The following SMC1B variants were observed in gnomAD, a reference collection of about 807,000 sequenced individuals.
SMC1B encodes structural maintenance of chromosomes 1B, also known as structural maintenance of chromosomes protein 1B.
In SMC1B, 60 loss-of-function variants were observed where a neutral mutation model predicts 157.9. That is an observed-to-expected ratio of 0.38 (90% CI 0.31 to 0.47). SMC1B has a LOEUF of 0.47. SMC1B is among the 20% of genes least tolerant of loss of function. The probability of loss-of-function intolerance (pLI) is 0.99; values close to 1 mark genes in which losing one functional copy is unlikely to be tolerated. For synonymous variants in SMC1B, 445 were observed against 483.0 expected, an observed-to-expected ratio of 0.92 and a Z score of 1.03; for missense variants, 1,165 against 1,426.2, an observed-to-expected ratio of 0.82 and a Z score of 2.95.
In SMC1B at chr22:45,362,702, C is replaced by T. The variant is rs1340501949; in HGVS notation, c.2562+183G>A. On this transcript the variant is annotated intron_variant, in intron 16 of 24. Transcript: ENST00000357450. ...AGGAGTCATCTGTGACATCCCCTTG[C>T]CCTTCCTCCCATGTTGACATCCAGT... Among the ~76,000 whole-genome samples, 9 of 152,290 alleles carry T rather than the reference C, an allele frequency of 5.9e-5. No individual in the cohort carries two copies. In the East Asian group the frequency reaches 7.7e-4, roughly 13 times the overall value.
intron 11 of SMC1B, among the ~76,000 whole-genome samples, chr22:45,385,024 C>G (rs1035947592): frequency 2.6e-4 from 40 of 151,946 alleles, no homozygotes; most frequent in Non-Finnish European, 7.4e-5. Context: ...ATAAATAGAT[C>G]TTTTTATAAT....
chr22:45,413,259 G>A (rs2087373509), intron 1 of SMC1B, among the ~76,000 whole-genome samples, 200 bp downstream of exon 1: 1 of 152,068 alleles, frequency 6.6e-6, no homozygotes. Context: ...GGTGGACGGC[G>A]AGGACCGGGG....
In SMC1B at chr22:45,359,798, A is replaced by C; in HGVS notation, c.2862+7T>G. On this transcript the variant is annotated splice_region_variant and intron_variant, in intron 18 of 24. Coordinates refer to ENST00000357450, the MANE Select transcript of SMC1B (RefSeq NM_148674.5). ...GGCACATATTTTACAGTCATTTGCT[A>C]GAATACCTCCACTTCAATGATGTCA... 6.2e-7 allele frequency: 1 copy of C among 1,610,376 alleles called. No individual in the cohort carries two copies. Among genetic ancestry groups the C allele is most frequent in the Non-Finnish European group, 8.5e-7 (1 of 1,177,656 alleles).
intron 12 of SMC1B, among the ~76,000 whole-genome samples, chr22:45,377,741 G>C (rs2086897192): frequency 6.6e-6 from 1 of 151,758 alleles, no homozygotes; most frequent in Admixed American, 6.6e-5. Context: ...TTACCATGTT[G>C]TCCAGGCTGG....
rs772979016 is a variant in SMC1B, at chr22:45,344,594, C to T, written c.3670G>A (p.Gly1224Ser). 2.5e-6 allele frequency: 4 copies of T among 1,614,168 alleles called. No individual in the cohort carries two copies. The highest frequency in any genetic ancestry group is 1.1e-5 in the South Asian group (1 of 91,082). Residue 1224 changes from glycine to serine, a missense_variant, in exon 25 of 25, where the codon GGC becomes AGC. Transcript: ENST00000357450. Reference protein sequence around the residue: ...LDLSQYPDTEGQESSKRHGES... With the variant: ...LDLSQYPDTESQESSKRHGES... ...CCGTGTCTCTTGCTGCTTTCTTGGC[C>T]TTCAGTGTCTGGATACTGAGAAAGA...
intron 1 of SMC1B, among the ~76,000 whole-genome samples, chr22:45,409,917 G>A (rs774454831): frequency 2.0e-5 from 3 of 152,176 alleles, no homozygotes; most frequent in Non-Finnish European, 4.4e-5. Context: ...AGGAAGGTCT[G>A]GCCTAAGAAG....
chr22:45,374,676 A>T (rs2086867995), intron 12 of SMC1B, among the ~76,000 whole-genome samples: 1 of 152,166 alleles, frequency 6.6e-6, no homozygotes, highest in African/African-American at 2.4e-5. Context: ...CTTTTCGTAA[A>T]GCCCTACGAA....
intron 23 of SMC1B, among the ~76,000 whole-genome samples, chr22:45,348,665 G>A (rs6006993): frequency 0.87 from 132,195 of 151,756 alleles, 57,678 homozygotes; most frequent in African/African-American, 0.91. Flanking sequence ...CTTGAATGAA[G>A]ACTACCCTGA....
In SMC1B at chr22:45,413,594, G is replaced by A. The variant is rs773825952; in HGVS notation, c.-27C>T. 3.2e-6 allele frequency: 5 copies of A among 1,567,594 alleles called. No homozygotes were observed. Among genetic ancestry groups the A allele is most frequent in the Non-Finnish European group, 4.3e-6 (5 of 1,152,428 alleles). ...GCGCCGCCCTCCACGCCTCACCCGCGTTATCAAGCGCCCGCGGAAAAAGCG... is the reference window on the plus strand; with the variant it reads ...GCGCCGCCCTCCACGCCTCACCCGCATTATCAAGCGCCCGCGGAAAAAGCG... On this transcript the variant is annotated 5_prime_UTR_variant, in exon 1 of 25. The change creates a new upstream start codon in the 5' untranslated region. Transcript: ENST00000357450.
chr22:45,386,319 C>G (rs982137291), intron 11 of SMC1B, among the ~76,000 whole-genome samples: 1 of 151,956 alleles, frequency 6.6e-6, no homozygotes, highest in Non-Finnish European at 1.5e-5. Context: ...ACTAAATACT[C>G]TCTATTCCAC....
intron 2 of SMC1B, among the ~76,000 whole-genome samples, chr22:45,407,312 A>T (rs1047787915): frequency 6.6e-6 from 1 of 152,178 alleles, no homozygotes; most frequent in Non-Finnish European, 1.5e-5. Flanking sequence ...GGGCCCCAAG[A>T]TCTTTACCCT....
rs1393018813 is a variant in SMC1B, at chr22:45,348,276, G to C, written c.3495+1452C>G. ...TTGATAGAACTGGGAAGTAGGGCTGGTGTGGTGGCTGACGCCTGTAATCCC... is the reference window on the plus strand; with the variant it reads ...TTGATAGAACTGGGAAGTAGGGCTGCTGTGGTGGCTGACGCCTGTAATCCC... On this transcript the variant is annotated intron_variant, in intron 23 of 24. Coordinates refer to ENST00000357450, the MANE Select transcript of SMC1B (RefSeq NM_148674.5). Among the ~76,000 whole-genome samples, 4 of 152,216 alleles carry C rather than the reference G, an allele frequency of 2.6e-5. No homozygotes were observed. In the East Asian group the frequency reaches 7.7e-4, roughly 29 times the overall value.
At position 45,408,712 on chromosome 22, in the gene SMC1B, C is replaced by T. The variant is rs777168907; in HGVS notation, c.296G>A (p.Arg99Gln). 44 of 1,572,150 alleles carry T rather than the reference C, an allele frequency of 2.8e-5. No individual in the cohort carries two copies. Among genetic ancestry groups the T allele is most frequent in the Admixed American group, 4.0e-5 (2 of 49,410 alleles). The change falls in exon 2 of 25, where the codon CGA becomes CAA. Residue 99 changes from arginine to glutamine, a missense_variant and splice_region_variant. Arg to Gln is a conservative substitution (Grantham distance 43, BLOSUM62 1). Transcript: ENST00000357450. ...GEEKTFARII[R>Q]GGCSEFRFND... ...GAAAAAAAATTATAAAAAAATACCT[C>T]GGATAATCCTTGCAAATGTTTTCTC...
At chr22:45,350,457 T>C (rs1337810992) in intron 22 of SMC1B, among the ~76,000 whole-genome samples, 3 of 152,402 alleles carry the variant, frequency 2.0e-5, no homozygotes, top group African/African-American at 7.2e-5. Flanking sequence ...TTTGTACTTT[T>C]AATAGAGATG....
intron 7 of SMC1B, among the ~76,000 whole-genome samples, 190 bp from the exon 8 acceptor site, chr22:45,394,957 T>C (rs1369028634): frequency 6.6e-6 from 1 of 152,230 alleles, no homozygotes; most frequent in Non-Finnish European, 1.5e-5. Context: ...ATTTGCTAGA[T>C]ATTTGATCTC....
chr22:45,410,271 C>G (rs1569202920), intron 1 of SMC1B, among the ~76,000 whole-genome samples: 1 of 152,200 alleles, frequency 6.6e-6, no homozygotes, highest in Admixed American at 6.5e-5. Context: ...GCATTCCTAA[C>G]CCCAATGTTA....
chr22:45,395,586 G>A (rs1377817028), intron 7 of SMC1B, among the ~76,000 whole-genome samples: 4 of 152,154 alleles, frequency 2.6e-5, no homozygotes, highest in Non-Finnish European at 5.9e-5. Flanking sequence ...GACTGGGCAC[G>A]GTGGCTCAGG....
Position 45,389,622 on chromosome 22 carries a change from C to A in SMC1B, c.1731+90G>T. 3.4e-6 allele frequency: 4 copies of A among 1,171,040 alleles called. No individual in the cohort carries two copies. The East Asian group carries it at 7.2e-5, about 21-fold the overall frequency. The allele number at this position is 1,171,040 out of a possible 1,614,324, so 72.5% of individuals were successfully genotyped here. Reference sequence around the variant, plus strand: ...CTGGCATCCAAGCTACAATTTTTCTCTATCACTATCATAGTTTTAGGCAAT... The same window carrying A: ...CTGGCATCCAAGCTACAATTTTTCTATATCACTATCATAGTTTTAGGCAAT... On this transcript the variant is annotated intron_variant, in intron 10 of 24. Coordinates refer to ENST00000357450, the MANE Select transcript of SMC1B (RefSeq NM_148674.5).
Position 45,353,872 on chromosome 22 carries a change from GTGGCAGTGGTTATTTCCCA to G in SMC1B, c.3273+87_3273+105del. On this transcript the variant is annotated intron_variant, in intron 21 of 24. Coordinates refer to ENST00000357450, the MANE Select transcript of SMC1B (RefSeq NM_148674.5). Reference sequence around the variant, plus strand: ...CCCATGAGTGAGTTGCTCAAATAATGTGGCAGTGGTTATTTCCCACCAAAAAAAAAAAAAAAAAAAAAAA... The same window carrying G: ...CCCATGAGTGAGTTGCTCAAATAATGCCAAAAAAAAAAAAAAAAAAAAAAA... The G allele has an allele frequency of 5.7e-6, 5 of 873,850 alleles. No individual in the cohort carries two copies. In the South Asian group the frequency reaches 8.3e-5, roughly 14 times the overall value. 54.1% of individuals were successfully genotyped at this position (873,850 alleles called of 1,614,324 possible).
Sources: gnomAD v4.1 joint callset for allele counts (sites outside exome capture counted in the v4.1 genomes callset) on GRCh38, gnomAD v4.1.1 for gene constraint, MANE v1.5 for transcripts, NCBI Gene and HGNC (gene_info 2026-07-23, HGNC 2026-07-21) for gene names.